MEF2A: variants seen among roughly 807,000 people sequenced by gnomAD.
The protein encoded by MEF2A is myocyte enhancer factor 2A, also known as myocyte-specific enhancer factor 2A.
In MEF2A, 28 loss-of-function variants were observed where a neutral mutation model predicts 55.8. That is an observed-to-expected ratio of 0.50 (90% confidence interval 0.37 to 0.69). The LOEUF (loss-of-function observed/expected upper bound fraction) is 0.69. MEF2A is among the 30% of genes least tolerant of loss of function. The pLI, the probability that MEF2A is intolerant of heterozygous loss-of-function variation, is 0.00. For missense variants in MEF2A, 528 were observed against 626.2 expected, an observed-to-expected ratio of 0.84 and a Z score of 1.67; for synonymous variants, 239 against 227.1, an observed-to-expected ratio of 1.05 and a Z score of -0.47.
chr15:99,637,981 T>G (rs2044190996), intron 3 of MEF2A, among the ~76,000 whole-genome samples: 1 of 152,186 alleles, frequency 6.6e-6, no homozygotes, highest in Admixed American at 6.5e-5. Flanking sequence ...GGGTATAAAC[T>G]GGTATCTTGT....
chr15:99,683,950 C>T (rs746553752), intron 7 of MEF2A, among the ~76,000 whole-genome samples: 6 of 152,106 alleles, frequency 3.9e-5, no homozygotes, highest in Non-Finnish European at 8.8e-5. Flanking sequence ...TAAGTGAAAA[C>T]ATGTGATGTT....
intron 4 of MEF2A, among the ~76,000 whole-genome samples, chr15:99,649,354 C>T (rs932617147): frequency 6.6e-5 from 10 of 152,074 alleles, no homozygotes; most frequent in African/African-American, 2.4e-4. Flanking sequence ...TGAAGAATAT[C>T]ATTGCTGTGT....
chr15:99,688,212 C>T (rs984387322), intron 7 of MEF2A, among the ~76,000 whole-genome samples: 1 of 152,214 alleles, frequency 6.6e-6, no homozygotes, highest in African/African-American at 2.4e-5. Flanking sequence ...TTGTCATTAT[C>T]TCTGCTGTTG....
intron 8 of MEF2A, among the ~76,000 whole-genome samples, chr15:99,698,441 TTGAAAA>T (rs1236469058): frequency 6.6e-6 from 1 of 152,146 alleles, no homozygotes; most frequent in African/African-American, 2.4e-5. Flanking sequence ...GCTTAGGGAA[TTGAAAA>T]TTAAAACCTA....
At chr15:99,690,097 C>A in intron 7 of MEF2A, 144 bp from the exon 8 acceptor site, 1 of 735,352 alleles carries the variant, frequency 1.4e-6, no homozygotes. Context: ...TGGTCCCAAG[C>A]ATTTCGGACA....
intron 4 of MEF2A, among the ~76,000 whole-genome samples, chr15:99,646,473 C>G (rs1047822143): frequency 6.6e-6 from 1 of 151,786 alleles, no homozygotes; most frequent in African/African-American, 2.4e-5. Context: ...TTACTTTTGT[C>G]TCTTTTGTTT....
chr15:99,706,209 CA>C (rs1174796193), intron 9 of MEF2A, among the ~76,000 whole-genome samples: 9 of 152,242 alleles, frequency 5.9e-5, no homozygotes, highest in African/African-American at 2.2e-4. Context: ...AAAAATAGGT[CA>C]ACTGCATGAT....
rs527379434 is a variant in MEF2A, at chr15:99,570,892, T to G, written c.-225+4788T>G. Among the ~76,000 whole-genome samples, 483 of 151,394 alleles carry G rather than the reference T, an allele frequency of 3.2e-3. 1 individual carries two copies. The highest frequency in any genetic ancestry group is 3.8e-3 in the Non-Finnish European group (261 of 67,884). On this transcript the variant is annotated intron_variant, in intron 1 of 11. Transcript: ENST00000557942. ...AGGGATAGAAGATTGGCCTGTAAAA[T>G]CAGACTTCCTGGCTGGGCGCGGTGG... is the stretch of plus-strand genomic sequence containing the variant.
chr15:99,579,306 G>GT (rs372720996), intron 1 of MEF2A, among the ~76,000 whole-genome samples: 4,264 of 146,160 alleles, frequency 0.029, 86 homozygotes, highest in Middle Eastern at 0.067. Context: ...CTGCTTTAGG[G>GT]TTTTTTTTTT....
At chr15:99,645,872 T>C in intron 4 of MEF2A, 108 bp downstream of exon 4, 1 of 748,744 alleles carries the variant, frequency 1.3e-6, no homozygotes, top group Non-Finnish European at 2.1e-6. Context: ...ATTAGGTGTA[T>C]ATGTATCTTT....
chr15:99,668,485 C>G (rs2153612669), intron 4 of MEF2A, among the ~76,000 whole-genome samples: 1 of 152,178 alleles, frequency 6.6e-6, no homozygotes, highest in East Asian at 1.9e-4. Context: ...CATTGAAAAA[C>G]TCAATCACGT....
chr15:99,599,427 A>G (rs1412927053), intron 2 of MEF2A, among the ~76,000 whole-genome samples: 1 of 152,124 alleles, frequency 6.6e-6, no homozygotes, highest in Admixed American at 6.5e-5. Flanking sequence ...TACTTTTGCT[A>G]CTTAACATAG....
chr15:99,578,594 A>G (rs1038847152), intron 1 of MEF2A, among the ~76,000 whole-genome samples: 2 of 152,164 alleles, frequency 1.3e-5, no homozygotes, highest in African/African-American at 4.8e-5. Context: ...GCTCATTGCT[A>G]CTGGGGAGTC....
At chr15:99,692,814 C>T (rs2055745716) in intron 8 of MEF2A, among the ~76,000 whole-genome samples, 1 of 152,170 alleles carries the variant, frequency 6.6e-6, no homozygotes, top group African/African-American at 2.4e-5. Flanking sequence ...GCTTTAATCT[C>T]TGAGAAGACG....
At position 99,674,453 on chromosome 15, in the gene MEF2A, G is replaced by T; in HGVS notation, c.451G>T (p.Ala151Ser). 1 of 1,613,900 alleles carries T rather than the reference G, an allele frequency of 6.2e-7. No homozygotes were observed. Among genetic ancestry groups the T allele is most frequent in the Non-Finnish European group, 8.5e-7 (1 of 1,179,852 alleles). ...SVTVPVTSPNALSYTNPGSSL... is the reference protein window; with the variant it reads ...SVTVPVTSPNSLSYTNPGSSL... ...CACAGTTCCAGTGACCAGCCCCAAT[G>T]CTTTGTCCTACACTAACCCAGGGAG... The change falls in exon 6 of 12, where the codon GCT becomes TCT. Residue 151 changes from alanine to serine, a missense_variant. This residue lies in a region of MEF2A where 450 missense variants were observed against 475.3 expected (regional missense o/e 0.95). Transcript: ENST00000557942.
chr15:99,685,315 C>A (rs2054015091), intron 7 of MEF2A, among the ~76,000 whole-genome samples: 1 of 152,148 alleles, frequency 6.6e-6, no homozygotes, highest in African/African-American at 2.4e-5. Context: ...ATTTATTCTA[C>A]CCATCCGTGA....
intron 7 of MEF2A, among the ~76,000 whole-genome samples, chr15:99,682,590 A>G (rs145357157): frequency 1.3e-5 from 2 of 152,334 alleles, no homozygotes; most frequent in African/African-American, 4.8e-5. Flanking sequence ...CAAGTCGTGC[A>G]TAGGAGATTC....
chr15:99,574,831 G>A (rs555813692), intron 1 of MEF2A, among the ~76,000 whole-genome samples: 1 of 152,302 alleles, frequency 6.6e-6, no homozygotes, highest in South Asian at 2.1e-4. Context: ...ATATGTCAAA[G>A]ATGCAAGTTT....
intron 4 of MEF2A, among the ~76,000 whole-genome samples, chr15:99,650,802 G>A (rs1567326825): frequency 6.6e-6 from 1 of 152,082 alleles, no homozygotes; most frequent in South Asian, 2.1e-4. Context: ...GCCCTGACCA[G>A]CAGCAGCAGC....
Sources: allele counts gnomAD v4.1 joint callset (sites outside exome capture counted in the v4.1 genomes callset), GRCh38; gene constraint gnomAD v4.1.1; regional missense constraint gnomAD v4.1.1; transcripts MANE v1.5; gene names NCBI Gene and HGNC (gene_info 2026-07-23, HGNC 2026-07-21).